ENTREP2: variants seen among roughly 807,000 people sequenced by gnomAD.
ENTREP2 encodes the protein endosomal transmembrane epsin interactor 2.
At chr15:29,181,037 T>A in the ENTREP2 span, among the ~76,000 whole-genome samples, 1 of 149,328 alleles carries the variant, frequency 6.7e-6, no homozygotes, top group Non-Finnish European at 1.5e-5. Context: ...GAAAAAAAAC[T>A]GACAAAAATA....
chr15:29,398,865 A>T, the ENTREP2 span, among the ~76,000 whole-genome samples: 2 of 152,094 alleles, frequency 1.3e-5, no homozygotes, highest in African/African-American at 4.8e-5. Context: ...GGGACTGTGA[A>T]TATGTATGTG....
chr15:29,236,895 G>A, the ENTREP2 span, among the ~76,000 whole-genome samples: 1 of 151,862 alleles, frequency 6.6e-6, no homozygotes, highest in Admixed American at 6.6e-5. Context: ...AAGGAAGGAA[G>A]GAAGGAAAGA....
the ENTREP2 span, among the ~76,000 whole-genome samples, chr15:29,537,767 G>A: frequency 6.6e-6 from 1 of 152,130 alleles, no homozygotes. Flanking sequence ...CGTCCTCCCA[G>A]TGACTCAGGA....
chr15:29,444,408 A>T, the ENTREP2 span, among the ~76,000 whole-genome samples: 1 of 152,014 alleles, frequency 6.6e-6, no homozygotes, highest in African/African-American at 2.4e-5. Flanking sequence ...CTCAGTTCTC[A>T]AGCTTAACTT....
the ENTREP2 span, among the ~76,000 whole-genome samples, chr15:29,526,421 C>A: frequency 1.3e-5 from 2 of 152,064 alleles, no homozygotes; most frequent in Non-Finnish European, 2.9e-5. Context: ...TAGAGGCAAG[C>A]CACAGCCCAC....
chr15:29,553,889 C>T, the ENTREP2 span, among the ~76,000 whole-genome samples: 1 of 152,188 alleles, frequency 6.6e-6, no homozygotes, highest in Non-Finnish European at 1.5e-5. Flanking sequence ...AGACCTCAAG[C>T]AAGAATCACC....
the ENTREP2 span, among the ~76,000 whole-genome samples, chr15:29,650,643 G>A: frequency 6.6e-6 from 1 of 151,934 alleles, no homozygotes; most frequent in African/African-American, 2.4e-5. Flanking sequence ...TTACTCTTCA[G>A]TTTCCAGAAA....
the ENTREP2 span, among the ~76,000 whole-genome samples, chr15:29,616,771 G>A: frequency 6.6e-6 from 1 of 152,110 alleles, no homozygotes; most frequent in Non-Finnish European, 1.5e-5. Flanking sequence ...GCTATACAGA[G>A]ATAAATAAGA....
At chr15:29,156,691 A>G in the ENTREP2 span, among the ~76,000 whole-genome samples, 106 of 152,232 alleles carry the variant, frequency 7.0e-4, 1 homozygote, top group East Asian at 0.019. Context: ...GTTCAGAACA[A>G]AAGGGCGTGG....
the ENTREP2 span, among the ~76,000 whole-genome samples, chr15:29,640,146 C>A: frequency 6.6e-6 from 1 of 152,054 alleles, no homozygotes; most frequent in Non-Finnish European, 1.5e-5. Context: ...AGAGAGAAAT[C>A]AAATTACTAA....
chr15:29,353,916 T>G, the ENTREP2 span, among the ~76,000 whole-genome samples: 3 of 152,044 alleles, frequency 2.0e-5, no homozygotes, highest in Non-Finnish European at 2.9e-5. Flanking sequence ...TACTTCCCAG[T>G]AGAGAAAGAT....
the ENTREP2 span, chr15:29,128,964 A>C: frequency 3.5e-5 from 25 of 713,202 alleles, no homozygotes; most frequent in Admixed American, 5.6e-5. Flanking sequence ...CCTGGTGGGA[A>C]GCGCTGAGAG....
chr15:29,254,970 C>T, the ENTREP2 span, among the ~76,000 whole-genome samples: 7 of 152,086 alleles, frequency 4.6e-5, no homozygotes, highest in Admixed American at 2.6e-4. Flanking sequence ...TCATTATGAG[C>T]CAAGAACTTA....
chr15:29,142,729 A>G, the ENTREP2 span, among the ~76,000 whole-genome samples: 1 of 152,232 alleles, frequency 6.6e-6, no homozygotes, highest in Non-Finnish European at 1.5e-5. Flanking sequence ...ATAATGAAAG[A>G]TGAAGTTAAT....
At chr15:29,346,146 C>A in the ENTREP2 span, among the ~76,000 whole-genome samples, 4 of 152,270 alleles carry the variant, frequency 2.6e-5, no homozygotes, top group East Asian at 3.9e-4. Context: ...AAGAAGAGAA[C>A]CTGGAGGGTC....
the ENTREP2 span, among the ~76,000 whole-genome samples, chr15:29,199,457 G>T: frequency 2.0e-5 from 3 of 152,180 alleles, no homozygotes; most frequent in Non-Finnish European, 2.9e-5. Context: ...ACTGAAGCAG[G>T]AAACAGGCTC....
chr15:29,126,368 A>AGG, the ENTREP2 span: 11 of 1,543,466 alleles, frequency 7.1e-6, no homozygotes, highest in Middle Eastern at 1.8e-4. Context: ...CTCTGGAGAC[A>AGG]CATGGCCAGG....
At chr15:29,391,876 G>C in the ENTREP2 span, among the ~76,000 whole-genome samples, 1 of 152,212 alleles carries the variant, frequency 6.6e-6, no homozygotes, top group African/African-American at 2.4e-5. Context: ...CCAGGCTGGA[G>C]TGCAGTGACA....
chr15:29,388,077 A>C, the ENTREP2 span, among the ~76,000 whole-genome samples: 1 of 152,248 alleles, frequency 6.6e-6, no homozygotes, highest in Non-Finnish European at 1.5e-5. Flanking sequence ...TTCATGTCTA[A>C]AACACCAAAA....
Sources: gnomAD v4.1 joint callset for allele counts (sites outside exome capture counted in the v4.1 genomes callset) on GRCh38, gnomAD v4.1.1 for gene constraint, MANE v1.5 for transcripts, NCBI Gene and HGNC (gene_info 2026-07-23, HGNC 2026-07-21) for gene names.